DDX1: variants seen among roughly 807,000 people sequenced by gnomAD.
DDX1 encodes the protein ATP-dependent RNA helicase DDX1.
Under a neutral mutation model 108.7 loss-of-function variants are expected in DDX1, and 28 were observed. The observed-to-expected ratio is 0.26, with a 90% CI of 0.19 to 0.35. DDX1 has a LOEUF of 0.35. Ranked by LOEUF, DDX1 falls within the 10% of genes least tolerant of loss-of-function variation. The pLI, the probability that DDX1 is intolerant of heterozygous loss-of-function variation, is 1.00. For synonymous variants in DDX1, 295 were observed against 288.9 expected (o/e 1.02, Z -0.21); for missense variants, 710 against 884.5 (o/e 0.80, Z 2.50).
intron 3 of DDX1, among the ~76,000 whole-genome samples, chr2:15,595,816 C>G (rs1291635254): frequency 6.6e-6 from 1 of 152,066 alleles, no homozygotes; most frequent in African/African-American, 2.4e-5. Flanking sequence ...GTATAGAATT[C>G]AAGTGGGAAT....
At chr2:15,612,982 CAGAGGGAGACCGTGGAAAGAGAGGG>C (rs1211809321) in intron 13 of DDX1, among the ~76,000 whole-genome samples, 78 of 149,208 alleles carry the variant, frequency 5.2e-4, no homozygotes, top group African/African-American at 1.6e-3. Flanking sequence ...GGCTCGGTAT[CAGAGGGAGACCGTGGAAAGAGAGGG>C]AGAGGGAGAC....
chr2:15,599,409 C>T (rs554983535), intron 5 of DDX1, among the ~76,000 whole-genome samples: 11 of 151,714 alleles, frequency 7.3e-5, no homozygotes, highest in Admixed American at 2.6e-4. Context: ...TGGGCTCAAG[C>T]GATTCTCCTG....
At position 15,606,026 on chromosome 2, in the gene DDX1, G is replaced by C; in HGVS notation, c.702G>C (p.Lys234Asn). ...NQALFPACVL[K>N]NAELKFNFGE... ...CCCTCTTTCCTGCCTGTGTTTTGAA[G>C]GTAATTAGGAATCTAGTTAGAAAAA... Residue 234 changes from lysine (K) to asparagine (N), a missense_variant and splice_region_variant, in exon 11 of 26, where the codon AAG (lysine) becomes AAC (asparagine). Lys to Asn is a moderately conservative substitution (Grantham distance 94). Around this residue, in one of 3 missense-constraint regions of DDX1, gnomAD observed 661 missense variants for 810.2 expected, o/e 0.82. Transcript: ENST00000233084. 1 of 1,584,990 alleles carries C rather than the reference G, an allele frequency of 6.3e-7. No individual in the cohort carries two copies. The highest frequency in any genetic ancestry group is 8.6e-7 in the Non-Finnish European group (1 of 1,167,610).
intron 6 of DDX1, 95 bp downstream of exon 6, chr2:15,599,811 T>C (rs1665559251): frequency 1.1e-6 from 1 of 880,702 alleles, no homozygotes; most frequent in East Asian, 2.6e-5. Flanking sequence ...AAGATTTAAT[T>C]TACCAGATAT....
intron 5 of DDX1, chr2:15,599,219 A>G: frequency 6.6e-6 from 1 of 152,108 alleles, no homozygotes; most frequent in African/African-American, 2.4e-5. Context: ...ATTCTAAATA[A>G]TATATAAAAC....
Position 15,591,901 on chromosome 2 carries a change from C to A in DDX1, c.-33C>A. The A allele has an allele frequency of 6.8e-7, 1 of 1,464,766 alleles. No individual in the cohort carries two copies. 90.7% of individuals were successfully genotyped at this position (1,464,766 alleles called of 1,614,324 possible). ...GCCGTGTCAGTCGGGAGGGAGGGAG[C>A]GAGCAGGCGAAGCCGCGGAGGACGG... On this transcript the variant is annotated 5_prime_UTR_variant, in exon 1 of 26. Transcript: ENST00000233084.
intron 8 of DDX1, 63 bp downstream of exon 8, chr2:15,603,338 TGGGGA>T: frequency 2.7e-6 from 3 of 1,127,082 alleles, no homozygotes; most frequent in Non-Finnish European, 3.9e-6. Flanking sequence ...TTTTATTATT[TGGGGA>T]AGCAAAATAA....
intron 19 of DDX1, among the ~76,000 whole-genome samples, chr2:15,626,673 TTGA>T (rs1243803978): frequency 1.3e-5 from 2 of 152,166 alleles, no homozygotes; most frequent in Non-Finnish European, 2.9e-5. Flanking sequence ...GCACATTAAC[TTGA>T]TGATGCTTAA....
intron 13 of DDX1, among the ~76,000 whole-genome samples, chr2:15,610,989 G>A (rs916942017): frequency 1.5e-3 from 228 of 150,654 alleles, no homozygotes; most frequent in African/African-American, 5.4e-3. Context: ...AGATAAACAA[G>A]TGAACAAAGG....
At chr2:15,596,367 TTCTC>T (rs1418971804) in intron 3 of DDX1, among the ~76,000 whole-genome samples, 1 of 152,218 alleles carries the variant, frequency 6.6e-6, no homozygotes, top group Non-Finnish European at 1.5e-5. Flanking sequence ...TTTGGGCTCT[TTCTC>T]AAGTGTCTTG....
chr2:15,629,511 G>A, intron 23 of DDX1, 91 bp from the exon 24 acceptor site: 1 of 869,238 alleles, frequency 1.2e-6, no homozygotes, highest in Non-Finnish European at 1.8e-6. Context: ...GTGCCTTGAG[G>A]ACAGAAAACA....
chr2:15,591,904 G>T lies in DDX1; in HGVS notation c.-30G>T. 1 of 1,466,380 alleles carries T rather than the reference G, an allele frequency of 6.8e-7. No individual in the cohort carries two copies. The highest frequency in any genetic ancestry group is 9.0e-7 in the Non-Finnish European group (1 of 1,108,224). The allele number at this position is 1,466,380 out of a possible 1,614,324, so 90.8% of individuals were successfully genotyped here. The stretch of plus-strand genomic sequence containing the variant: ...GTGTCAGTCGGGAGGGAGGGAGCGA[G>T]CAGGCGAAGCCGCGGAGGACGGGGT... On this transcript the variant is annotated 5_prime_UTR_variant, in exon 1 of 26. Coordinates refer to ENST00000233084, the MANE Select transcript of DDX1 (RefSeq NM_004939.3).
At position 15,604,492 on chromosome 2, in the gene DDX1, T is replaced by C; in HGVS notation, c.608T>C (p.Val203Ala). The part of the protein sequence containing the change: ...GCYLDIDKGH[V>A]KFSKNGKDLG... The stretch of plus-strand genomic sequence containing the variant: ...TACCTGGATATAGATAAGGGACATG[T>C]CAAGTTCTCCAAAAATGGTAAGCTC... The change falls in exon 10 of 26, where the codon GTC becomes GCC. Residue 203 changes from valine (V) to alanine (A), a missense_variant. Physicochemically the swap from Val to Ala is moderately conservative, Grantham distance 64. Transcript: ENST00000233084. 1.2e-6 allele frequency: 2 copies of C among 1,606,138 alleles called. No homozygotes were observed. Among genetic ancestry groups the C allele is most frequent in the Non-Finnish European group, 1.7e-6 (2 of 1,172,960 alleles).
At chr2:15,618,852 A>G (rs112925781) in intron 16 of DDX1, among the ~76,000 whole-genome samples, 24 of 152,354 alleles carry the variant, frequency 1.6e-4, no homozygotes, top group African/African-American at 4.6e-4. Context: ...TGGTGTATCA[A>G]TGCTACCTCA....
chr2:15,607,089 T>C, intron 12 of DDX1, 86 bp from the exon 13 acceptor site: 1 of 1,193,376 alleles, frequency 8.4e-7, no homozygotes, highest in Non-Finnish European at 1.2e-6. Flanking sequence ...AAAATGTTGA[T>C]ATTAGAATAT....
chr2:15,601,363 C>G (rs931323719), intron 6 of DDX1, among the ~76,000 whole-genome samples: 3 of 152,202 alleles, frequency 2.0e-5, no homozygotes, highest in Non-Finnish European at 1.5e-5. Flanking sequence ...TCATATCCCA[C>G]AGGTTGAGGG....
chr2:15,595,955 GT>G (rs1222028807), intron 3 of DDX1, among the ~76,000 whole-genome samples: 2 of 152,122 alleles, frequency 1.3e-5, no homozygotes, highest in Non-Finnish European at 2.9e-5. Context: ...TGTGTTTATA[GT>G]TCACTGCAGC....
At chr2:15,595,774 G>C (rs114357549) in intron 3 of DDX1, among the ~76,000 whole-genome samples, 1 of 152,142 alleles carries the variant, frequency 6.6e-6, no homozygotes, top group African/African-American at 2.4e-5. Context: ...GTATCAGAGA[G>C]AATGTGGCTT....
chr2:15,597,161 C>G (rs1162009841), intron 4 of DDX1, among the ~76,000 whole-genome samples: 28 of 152,152 alleles, frequency 1.8e-4, no homozygotes, highest in Admixed American at 1.8e-3. Flanking sequence ...ATTGTTCTAT[C>G]TTTTTGTGAT....
Sources: allele counts gnomAD v4.1 joint callset (sites outside exome capture counted in the v4.1 genomes callset), GRCh38; gene constraint gnomAD v4.1.1; regional missense constraint gnomAD v4.1.1; transcripts MANE v1.5; gene names NCBI Gene and HGNC (gene_info 2026-07-23, HGNC 2026-07-21).